SH3GL2: variants seen among roughly 807,000 people sequenced by gnomAD.
SH3GL2 encodes endophilin-A1.
SH3GL2 carries 24 observed loss-of-function variants against 46.0 expected under a neutral mutation model. The observed-to-expected ratio is 0.52, with a 90% CI of 0.38 to 0.73. The LOEUF is 0.73. Ranked by LOEUF, SH3GL2 falls within the 30% of genes least tolerant of loss-of-function variation. The probability of loss-of-function intolerance (pLI) is 0.00; values close to 1 mark genes in which losing one functional copy is unlikely to be tolerated. For missense variants in SH3GL2, 413 were observed against 424.2 expected (o/e 0.97, Z 0.23); for synonymous variants, 196 against 147.1 (o/e 1.33, Z -2.40).
chr9:17,732,850 A>G (rs1822220325), intron 1 of SH3GL2, among the ~76,000 whole-genome samples: 1 of 152,158 alleles, frequency 6.6e-6, no homozygotes. Flanking sequence ...ATTTTTGCAC[A>G]CTGAAGTTGC....
chr9:17,618,660 T>G (rs563938696), intron 1 of SH3GL2, among the ~76,000 whole-genome samples: 6 of 152,286 alleles, frequency 3.9e-5, no homozygotes, highest in Admixed American at 6.5e-5. Flanking sequence ...GGGCTTTATT[T>G]AGTAAATATG....
intron 1 of SH3GL2, among the ~76,000 whole-genome samples, chr9:17,702,193 GTTGGATCCATAATTCACATC>G (rs1021132392): frequency 6.6e-6 from 1 of 152,006 alleles, no homozygotes; most frequent in Non-Finnish European, 1.5e-5. Flanking sequence ...TGGAAAAAAG[GTTGGATCCATAATTCACATC>G]TTGGATCCAT....
chr9:17,776,530 A>C (rs1010704718), intron 3 of SH3GL2, among the ~76,000 whole-genome samples: 8 of 152,176 alleles, frequency 5.3e-5, no homozygotes, highest in Non-Finnish European at 7.3e-5. Context: ...CACACACACA[A>C]AAATGCTATA....
At chr9:17,600,937 C>T (rs1018391745) in intron 1 of SH3GL2, among the ~76,000 whole-genome samples, 5 of 152,298 alleles carry the variant, frequency 3.3e-5, no homozygotes, top group South Asian at 2.1e-4. Flanking sequence ...TTTGGAGCTG[C>T]AGTAGGTAAT....
chr9:17,705,357 G>A (rs569105158), intron 1 of SH3GL2, among the ~76,000 whole-genome samples: 21 of 151,996 alleles, frequency 1.4e-4, no homozygotes, highest in Middle Eastern at 3.4e-3. Flanking sequence ...AACTTCAAAC[G>A]GAATTACCAC....
intron 8 of SH3GL2, among the ~76,000 whole-genome samples, chr9:17,794,508 T>G (rs1194561857): frequency 1.3e-5 from 2 of 152,322 alleles, no homozygotes; most frequent in Admixed American, 1.3e-4. Flanking sequence ...AAATTGTGTA[T>G]AGCTATGCTT....
In SH3GL2 at chr9:17,579,300, GC is replaced by G; in HGVS notation, c.45+14del. On this transcript the variant is annotated intron_variant, in intron 1 of 8. Coordinates refer to ENST00000380607, the MANE Select transcript of SH3GL2 (RefSeq NM_003026.5). ...TAAAGCCACTCAGGTAAGGCGCGCG[GC>G]AGGTGCGTCCCGGGGCAGTCCGGGG... The G allele has an allele frequency of 6.4e-7, 1 of 1,554,242 alleles. No individual in the cohort carries two copies. Among genetic ancestry groups the G allele is most frequent in the Admixed American group, 1.8e-5 (1 of 54,516 alleles).
intron 3 of SH3GL2, among the ~76,000 whole-genome samples, chr9:17,763,908 T>C (rs1476922826): frequency 2.0e-5 from 3 of 152,060 alleles, no homozygotes; most frequent in African/African-American, 7.2e-5. Flanking sequence ...GTGTGAAGGG[T>C]CCTTCCCTTT....
At chr9:17,712,099 T>A (rs1301863817) in intron 1 of SH3GL2, among the ~76,000 whole-genome samples, 1 of 151,828 alleles carries the variant, frequency 6.6e-6, no homozygotes, top group Non-Finnish European at 1.5e-5. Context: ...CTTTTTTTGC[T>A]ATTCCTATTT....
intron 1 of SH3GL2, among the ~76,000 whole-genome samples, chr9:17,682,581 T>TA (rs1439984437): frequency 6.6e-6 from 1 of 151,398 alleles, no homozygotes; most frequent in Non-Finnish European, 1.5e-5. Flanking sequence ...GGAGGGAACT[T>TA]AGAGGATGGG....
chr9:17,776,668 C>CTGT (rs1823648323), intron 3 of SH3GL2, among the ~76,000 whole-genome samples: 1 of 147,500 alleles, frequency 6.8e-6, no homozygotes, highest in Non-Finnish European at 1.5e-5. Flanking sequence ...AATGTCCCAT[C>CTGT]TTTTTTTTTT....
Position 17,796,596 on chromosome 9 carries a change from CAT to C in SH3GL2, c.*854_*855del, listed in dbSNP as rs1377789106. ...TCACTTCAGTTTTATTTGTGAATTA[CAT>C]GTTTCATGAATCCATTTGGCACAGA... On this transcript the variant is annotated 3_prime_UTR_variant, in exon 9 of 9. Transcript: ENST00000380607. The C allele has an allele frequency of 2.6e-5, 4 of 152,524 alleles. No homozygotes were observed. The highest frequency in any genetic ancestry group is 9.7e-5 in the African/African-American group (4 of 41,444). The allele number at this position is 152,524 out of a possible 1,614,324, so 9.4% of individuals were successfully genotyped here.
chr9:17,737,078 C>A (rs567853477), intron 1 of SH3GL2, among the ~76,000 whole-genome samples: 1 of 152,246 alleles, frequency 6.6e-6, no homozygotes, highest in Admixed American at 6.5e-5. Context: ...TGGAAACCAT[C>A]ATTCTCAGCA....
At chr9:17,678,628 T>G (rs1208200514) in intron 1 of SH3GL2, among the ~76,000 whole-genome samples, 2 of 152,218 alleles carry the variant, frequency 1.3e-5, no homozygotes, top group East Asian at 1.9e-4. Flanking sequence ...AGAAGCTCTT[T>G]AGTTTAATTA....
intron 1 of SH3GL2, among the ~76,000 whole-genome samples, chr9:17,588,765 T>C (rs1818426107): frequency 6.6e-6 from 1 of 152,210 alleles, no homozygotes. Flanking sequence ...TTCTAATTTA[T>C]AGAATTGTAA....
At chr9:17,738,537 TATACATAAGTGTGTGTGTATATACATAC>T (rs765538112) in intron 1 of SH3GL2, among the ~76,000 whole-genome samples, 17,826 of 107,372 alleles carry the variant, frequency 0.17, 2,058 homozygotes, top group Middle Eastern at 0.27. Context: ...TACATACATA[TATACATAAGTGTGTGTGTATATACATAC>T]ATATATATAT....
intron 1 of SH3GL2, among the ~76,000 whole-genome samples, chr9:17,677,923 C>G (rs1820656261): frequency 6.6e-6 from 1 of 152,074 alleles, no homozygotes; most frequent in African/African-American, 2.4e-5. Flanking sequence ...ATGATGGTTT[C>G]CAGCTTCATC....
At chr9:17,768,069 G>C (rs1047402361) in intron 3 of SH3GL2, among the ~76,000 whole-genome samples, 1 of 152,118 alleles carries the variant, frequency 6.6e-6, no homozygotes, top group African/African-American at 2.4e-5. Context: ...GCCAGATCTT[G>C]CTTAAAAGAT....
chr9:17,692,845 G>A (rs1214401474), intron 1 of SH3GL2, among the ~76,000 whole-genome samples: 1 of 152,138 alleles, frequency 6.6e-6, no homozygotes, highest in Non-Finnish European at 1.5e-5. Flanking sequence ...ATCATGGTGG[G>A]AGGTAAAAGG....
Sources: gnomAD v4.1 joint callset for allele counts (sites outside exome capture counted in the v4.1 genomes callset) on GRCh38, gnomAD v4.1.1 for gene constraint, MANE v1.5 for transcripts, NCBI Gene and HGNC (gene_info 2026-07-23, HGNC 2026-07-21) for gene names.